The following KCNC1 variants were observed in gnomAD, a reference collection of about 807,000 sequenced individuals.
KCNC1 encodes the protein potassium voltage-gated channel subfamily C member 1, also known as voltage-gated potassium channel KCNC1.
A neutral mutation model predicts 43.4 loss-of-function variants in KCNC1; 8 were observed. The observed-to-expected ratio is 0.18, with a 90% CI of 0.11 to 0.33. KCNC1 has a LOEUF of 0.33. Ranked by LOEUF, KCNC1 falls within the 10% of genes least tolerant of loss-of-function variation. KCNC1 has a pLI of 1.00. For synonymous variants in KCNC1, 361 were observed against 360.5 expected, an observed-to-expected ratio of 1.00 and a Z score of -0.01; for missense variants, 420 against 836.0, an observed-to-expected ratio of 0.50 and a Z score of 6.14.
chr11:17,738,398 T>C (rs990109931), intron 1 of KCNC1, among the ~76,000 whole-genome samples: 6 of 151,996 alleles, frequency 3.9e-5, no homozygotes, highest in African/African-American at 1.5e-4. Flanking sequence ...GAGGCCTGGG[T>C]TACAGCAGCT....
chr11:17,737,186 G>A (rs1332634250), intron 1 of KCNC1, among the ~76,000 whole-genome samples: 1 of 152,116 alleles, frequency 6.6e-6, no homozygotes, highest in Non-Finnish European at 1.5e-5. Context: ...TAATCTCGGT[G>A]GCTTGGAAGT....
rs552970887 is a variant in KCNC1 at position 17,771,735 on chromosome 11, G to A, written c.641G>A (p.Arg214His). The change falls in exon 2 of 4, where the codon CGC becomes CAC. Residue 214 changes from arginine (R) to histidine (H), a missense_variant. This residue lies in a region of KCNC1 where 151 missense variants were observed against 216.7 expected (regional missense o/e 0.70). Transcript: ENST00000265969. This position sits in a 1 kb window ranked among gnomAD's most constrained non-coding sequence, Gnocchi z 4.7. Reference sequence around the variant, plus strand: ...ACCTTCTGCCTGGAGACCCACGAGCGCTTCAACCCCATCGTGAACAAGACG... The same window carrying A: ...ACCTTCTGCCTGGAGACCCACGAGCACTTCAACCCCATCGTGAACAAGACG... ...ITTFCLETHE[R>H]FNPIVNKTEI... 29 of 1,613,818 alleles carry A rather than the reference G, an allele frequency of 1.8e-5. No homozygotes were observed. The highest frequency in any genetic ancestry group is 4.5e-5 in the East Asian group (2 of 44,868).
Position 17,779,731 on chromosome 11 carries a change from C to T in KCNC1, c.1693+87C>T. Reference sequence around the variant, plus strand: ...GTGGGCAGGGCGGCGGGCAAGGGCGCTGAGGGGCAGGCAGGCACACCGAGG... The same window carrying T: ...GTGGGCAGGGCGGCGGGCAAGGGCGTTGAGGGGCAGGCAGGCACACCGAGG... On this transcript the variant is annotated intron_variant, in intron 3 of 3. Coordinates refer to ENST00000265969, the MANE Select transcript of KCNC1 (RefSeq NM_001112741.2). This position sits in a 1 kb window ranked among gnomAD's most constrained non-coding sequence, Gnocchi z 7.2. The T allele has an allele frequency of 5.3e-6, 6 of 1,140,624 alleles. No homozygotes were observed. Among genetic ancestry groups the T allele is most frequent in the Non-Finnish European group, 7.0e-6 (6 of 852,386 alleles). The allele number at this position is 1,140,624 out of a possible 1,614,324, so 70.7% of individuals were successfully genotyped here.
In KCNC1 at chr11:17,736,717, TAA is replaced by T; in HGVS notation, c.570+146_570+147del. 2 of 1,371,414 alleles carry T rather than the reference TAA, an allele frequency of 1.5e-6. No homozygotes were observed. Among genetic ancestry groups the T allele is most frequent in the South Asian group, 3.1e-5 (2 of 63,568 alleles). 85.0% of individuals were successfully genotyped at this position (1,371,414 alleles called of 1,614,324 possible). On this transcript the variant is annotated intron_variant, in intron 1 of 3. Transcript: ENST00000265969. This position sits in a 1 kb window ranked among gnomAD's most constrained non-coding sequence, Gnocchi z 9.3. The stretch of plus-strand genomic sequence containing the variant: ...GTGCGCATGTGTGCACGTACCAGGG[TAA>T]GAGAGGAAGGGTGTCCGCCGGGGTT...
rs1040431098 is a variant in KCNC1 at position 17,782,243 on chromosome 11, T to C, written c.*509T>C. The stretch of plus-strand genomic sequence containing the variant: ...TGGGGAATGGATTGCTTCCTTTTTG[T>C]ACACAAGATCAAGAGGAAAGCTTCC... On this transcript the variant is annotated 3_prime_UTR_variant, in exon 4 of 4. Transcript: ENST00000265969. 3 of 152,692 alleles carry C rather than the reference T, an allele frequency of 2.0e-5. No individual in the cohort carries two copies. The highest frequency in any genetic ancestry group is 7.2e-5 in the African/African-American group (3 of 41,458). The allele number at this position is 152,692 out of a possible 1,614,324, so 9.5% of individuals were successfully genotyped here. A position where few individuals can be genotyped will look rare whatever the true frequency, so the allele number is the denominator to read the frequency against.
At chr11:17,747,199 A>C (rs887764044) in intron 1 of KCNC1, among the ~76,000 whole-genome samples, 1 of 152,058 alleles carries the variant, frequency 6.6e-6, no homozygotes, top group Non-Finnish European at 1.5e-5. Flanking sequence ...GGAGGCAGGC[A>C]TGGATTCTTG....
chr11:17,779,347 A>G lies in KCNC1; in HGVS notation c.1505-109A>G, dbSNP rs1305099254. 1.1e-6 allele frequency: 1 copy of G among 882,020 alleles called. No homozygotes were observed. The highest frequency in any genetic ancestry group is 2.2e-5 in the South Asian group (1 of 45,452). The allele number at this position is 882,020 out of a possible 1,614,324, so 54.6% of individuals were successfully genotyped here. A position where few individuals can be genotyped will look rare whatever the true frequency, so the allele number is the denominator to read the frequency against. ...ACAGCCTGCCCGCTTTTCCGTCCTC[A>G]GGGACGCTCAAGCTGCCCTCTGCCA... is the stretch of plus-strand genomic sequence containing the variant. On this transcript the variant is annotated intron_variant, in intron 2 of 3. Transcript: ENST00000265969. The surrounding 1 kb of genome is among the most constrained non-coding windows in gnomAD (Gnocchi z 7.2).
rs1849253257 is a variant in KCNC1 at position 17,773,409 on chromosome 11, C to T, written c.1504+811C>T. On this transcript the variant is annotated intron_variant, in intron 2 of 3. Coordinates refer to ENST00000265969, the MANE Select transcript of KCNC1 (RefSeq NM_001112741.2). The surrounding 1 kb of genome is among the most constrained non-coding windows in gnomAD (Gnocchi z 4.1). Reference sequence around the variant, plus strand: ...CTGCCGAGCAAAAGACTAGAGGGGGCCACCACCCTGGGCAGCTTAGATGAA... The same window carrying T: ...CTGCCGAGCAAAAGACTAGAGGGGGTCACCACCCTGGGCAGCTTAGATGAA... 1.0e-6 allele frequency: 1 copy of T among 985,344 alleles called. No individual in the cohort carries two copies. Among genetic ancestry groups the T allele is most frequent in the Non-Finnish European group, 1.2e-6 (1 of 829,942 alleles). The allele number at this position is 985,344 out of a possible 1,614,324, so 61.0% of individuals were successfully genotyped here.
rs184201168 is a variant in KCNC1, at chr11:17,755,116, G to A, written c.571-16549G>A. Reference sequence around the variant, plus strand: ...GGCAGTGAAGGGGTAAGCCATAGGCGTACCTGGGGAAAGGCGTTCTAGGCA... The same window carrying A: ...GGCAGTGAAGGGGTAAGCCATAGGCATACCTGGGGAAAGGCGTTCTAGGCA... On this transcript the variant is annotated intron_variant, in intron 1 of 3. Transcript: ENST00000265969. Among the ~76,000 whole-genome samples, 928 of 152,236 alleles carry A rather than the reference G, an allele frequency of 6.1e-3. 4 individuals are homozygous for A. The highest frequency in any genetic ancestry group is 0.044 in the Middle Eastern group (13 of 294).
chr11:17,740,468 G>A (rs1848825401), intron 1 of KCNC1, among the ~76,000 whole-genome samples: 3 of 152,116 alleles, frequency 2.0e-5, no homozygotes, highest in African/African-American at 7.2e-5. Context: ...TGTGAGAGCA[G>A]GCAGGGGAGT....
intron 1 of KCNC1, among the ~76,000 whole-genome samples, chr11:17,747,429 C>A (rs1456419851): frequency 6.6e-6 from 1 of 152,234 alleles, no homozygotes; most frequent in Non-Finnish European, 1.5e-5. Context: ...ACAGGGACCT[C>A]AGATGCCGAC....
In KCNC1 at chr11:17,777,469, C is replaced by T; in HGVS notation, c.1505-1987C>T. The T allele has an allele frequency of 1.0e-6, 1 of 986,008 alleles. No homozygotes were observed. The highest frequency in any genetic ancestry group is 1.2e-6 in the Non-Finnish European group (1 of 830,000). 61.1% of individuals were successfully genotyped at this position (986,008 alleles called of 1,614,324 possible). A position where few individuals can be genotyped will look rare whatever the true frequency, so the allele number is the denominator to read the frequency against. ...ATCCGCGTCCTCTCCATACTGTTTC[C>T]CTCCCCTCTCCCAACACCCTCCTCC... On this transcript the variant is annotated intron_variant, in intron 2 of 3. Coordinates refer to ENST00000265969, the MANE Select transcript of KCNC1 (RefSeq NM_001112741.2). This position sits in a 1 kb window ranked among gnomAD's most constrained non-coding sequence, Gnocchi z 4.3.
intron 1 of KCNC1, among the ~76,000 whole-genome samples, chr11:17,763,912 A>ACC (rs1849113288): frequency 3.0e-5 from 2 of 66,280 alleles, no homozygotes; most frequent in Non-Finnish European, 3.1e-5. Flanking sequence ...AACCCCACAC[A>ACC]CCACACATGC....
intron 1 of KCNC1, among the ~76,000 whole-genome samples, chr11:17,745,037 G>A (rs1271227342): frequency 1.3e-5 from 2 of 152,094 alleles, no homozygotes; most frequent in Non-Finnish European, 2.9e-5. Flanking sequence ...GAGGACATTT[G>A]TTAGACGTGA....
At position 17,735,991 on chromosome 11, in the gene KCNC1, G is replaced by A. The variant is rs1848761200; in HGVS notation, c.-12G>A. The A allele has an allele frequency of 6.9e-7, 1 of 1,446,582 alleles. No homozygotes were observed. The highest frequency in any genetic ancestry group is 9.1e-7 in the Non-Finnish European group (1 of 1,103,806). The allele number at this position is 1,446,582 out of a possible 1,614,324, so 89.6% of individuals were successfully genotyped here. On this transcript the variant is annotated 5_prime_UTR_variant, in exon 1 of 4. Transcript: ENST00000265969. This position sits in a 1 kb window ranked among gnomAD's most constrained non-coding sequence, Gnocchi z 6.7. ...TGTCGCTGGGCCGCGCCATGCCTAA[G>A]GGGGCGCCGCGATGGGCCAAGGGGA...
At chr11:17,740,593 G>A (rs143631410) in intron 1 of KCNC1, among the ~76,000 whole-genome samples, 149 of 152,246 alleles carry the variant, frequency 9.8e-4, no homozygotes, top group Non-Finnish European at 1.7e-3. Context: ...ACGTTGTTGC[G>A]TCCCATCAGG....
At position 17,779,610 on chromosome 11, in the gene KCNC1, G is replaced by T. The variant is rs372580647; in HGVS notation, c.1659G>T (p.Glu553Asp). Reference protein sequence around the residue: ...YGPCFLLSTGEYACPPGGGMR... With the variant: ...YGPCFLLSTGDYACPPGGGMR... Reference sequence around the variant, plus strand: ...CCTGCTTCCTCTTATCAACCGGGGAGTACGCGTGCCCACCTGGTGGAGGAA... The same window carrying T: ...CCTGCTTCCTCTTATCAACCGGGGATTACGCGTGCCCACCTGGTGGAGGAA... The change falls in exon 3 of 4, where the codon GAG becomes GAT. Residue 553 changes from glutamate (E) to aspartate (D), a missense_variant. Physicochemically the swap from Glu to Asp is conservative, Grantham distance 45. Coordinates refer to ENST00000265969, the MANE Select transcript of KCNC1 (RefSeq NM_001112741.2). The surrounding 1 kb of genome is among the most constrained non-coding windows in gnomAD (Gnocchi z 7.2). 601 of 1,550,372 alleles carry T rather than the reference G, an allele frequency of 3.9e-4. No homozygotes were observed. Among genetic ancestry groups the T allele is most frequent in the Non-Finnish European group, 5.1e-4 (585 of 1,146,580 alleles).
intron 1 of KCNC1, among the ~76,000 whole-genome samples, chr11:17,751,889 C>T (rs1848973286): frequency 6.6e-6 from 1 of 152,158 alleles, no homozygotes; most frequent in African/African-American, 2.4e-5. Context: ...TCTTCCTCCT[C>T]AGGTCCCCAG....
At position 17,773,811 on chromosome 11, in the gene KCNC1, T is replaced by A; in HGVS notation, c.1504+1213T>A. On this transcript the variant is annotated intron_variant, in intron 2 of 3. Coordinates refer to ENST00000265969, the MANE Select transcript of KCNC1 (RefSeq NM_001112741.2). This position sits in a 1 kb window ranked among gnomAD's most constrained non-coding sequence, Gnocchi z 4.1. The stretch of plus-strand genomic sequence containing the variant: ...ATGACCCAGAGAAGAATGACAGCAC[T>A]GAGTAAGAAGGAGTGCCAGGTGAGC... The A allele has an allele frequency of 1.0e-6, 1 of 985,506 alleles. No homozygotes were observed. Among genetic ancestry groups the A allele is most frequent in the Non-Finnish European group, 1.2e-6 (1 of 829,970 alleles). 61.0% of individuals were successfully genotyped at this position (985,506 alleles called of 1,614,324 possible).
Sources: allele counts gnomAD v4.1 joint callset (sites outside exome capture counted in the v4.1 genomes callset), GRCh38; gene constraint gnomAD v4.1.1; regional missense constraint gnomAD v4.1.1; non-coding constraint Gnocchi (gnomAD v3.1); transcripts MANE v1.5; gene names NCBI Gene and HGNC (gene_info 2026-07-23, HGNC 2026-07-21).